COL21A1: variants seen among roughly 807,000 people sequenced by gnomAD.
COL21A1 encodes the protein collagen type XXI alpha 1 chain.
Under a neutral mutation model 137.9 loss-of-function variants are expected in COL21A1, and 149 were observed. The observed-to-expected ratio is 1.08, with a 90% confidence interval of 0.95 to 1.24. COL21A1 has a LOEUF of 1.24. Ranked by LOEUF, COL21A1 falls within the 50% of genes most tolerant of loss-of-function variation. The probability of loss-of-function intolerance (pLI) is 0.00; values close to 1 mark genes in which losing one functional copy is unlikely to be tolerated. For synonymous variants in COL21A1, 456 were observed against 391.5 expected, an observed-to-expected ratio of 1.16 and a Z score of -1.95; for missense variants, 1,167 against 1,158.4, an observed-to-expected ratio of 1.01 and a Z score of -0.11.
chr6:56,253,986 A>G (rs1357987296), intron 1 of COL21A1, among the ~76,000 whole-genome samples: 4 of 152,198 alleles, frequency 2.6e-5, no homozygotes, highest in Non-Finnish European at 4.4e-5. Context: ...AATCACAAAT[A>G]TACACTGAAG....
chr6:56,244,686 T>A (rs1320620093), intron 1 of COL21A1, among the ~76,000 whole-genome samples: 1 of 152,214 alleles, frequency 6.6e-6, no homozygotes, highest in African/African-American at 2.4e-5. Flanking sequence ...AAGTCATATA[T>A]GATTGGTAAT....
chr6:56,137,317 C>T (rs1774075298), intron 12 of COL21A1, among the ~76,000 whole-genome samples: 1 of 152,082 alleles, frequency 6.6e-6, no homozygotes, highest in Non-Finnish European at 1.5e-5. Context: ...AAAGGGTACA[C>T]ACCACAGTAA....
At chr6:56,346,503 T>C (rs1057257277) in intron 1 of COL21A1, among the ~76,000 whole-genome samples, 1 of 152,230 alleles carries the variant, frequency 6.6e-6, no homozygotes, top group African/African-American at 2.4e-5. Context: ...TATTTGGCTC[T>C]ACCTTGTCAA....
In COL21A1 at chr6:56,214,998, C is replaced by A. The variant is rs575668055; in HGVS notation, c.-38-32342G>T. 2.6e-5 allele frequency among the ~76,000 whole-genome samples: 4 copies of A among 152,176 alleles called. No individual in the cohort carries two copies. In the East Asian group the frequency reaches 7.7e-4, roughly 29 times the overall value. The stretch of plus-strand genomic sequence containing the variant: ...TCCAGTCACATAACCTTGGTCAGCT[C>A]TTCATCACATCCAGTAACTATCTCC... On this transcript the variant is annotated intron_variant, in intron 1 of 29. Coordinates refer to ENST00000244728, the MANE Select transcript of COL21A1 (RefSeq NM_030820.4).
chr6:56,080,141 T>A (rs909766198), intron 17 of COL21A1, among the ~76,000 whole-genome samples: 1 of 151,766 alleles, frequency 6.6e-6, no homozygotes, highest in African/African-American at 2.4e-5. Context: ...AAGTTAACAG[T>A]TTGTTGATCG....
intron 1 of COL21A1, among the ~76,000 whole-genome samples, chr6:56,229,315 T>C (rs1186742498): frequency 1.3e-5 from 2 of 151,808 alleles, no homozygotes; most frequent in African/African-American, 2.4e-5. Flanking sequence ...AGCCCAGGAG[T>C]TTGAATTGCA....
intron 1 of COL21A1, among the ~76,000 whole-genome samples, chr6:56,303,427 T>A (rs1764352687): frequency 6.6e-6 from 1 of 152,136 alleles, no homozygotes; most frequent in Non-Finnish European, 1.5e-5. Context: ...TTTGTAGTTC[T>A]CCTTGAAGAG....
intron 1 of COL21A1, among the ~76,000 whole-genome samples, chr6:56,281,653 T>C (rs1763788643): frequency 6.6e-6 from 1 of 152,222 alleles, no homozygotes; most frequent in South Asian, 2.1e-4. Context: ...TTTATCCCCA[T>C]TAGCTTTGTG....
At position 56,088,043 on chromosome 6, in the gene COL21A1, G is replaced by A. The variant is rs80042420; in HGVS notation, c.1813-10470C>T. On this transcript the variant is annotated intron_variant, in intron 17 of 29. Transcript: ENST00000244728. ...GAGAATTGATAAATTCTTCATCTTT[G>A]TTTTGCTTTAATTTATCATATAATA... Among the ~76,000 whole-genome samples the A allele has an allele frequency of 2.7e-3, 417 of 152,110 alleles. 4 individuals carry two copies. Among genetic ancestry groups the A allele is most frequent in the Middle Eastern group, 0.014 (4 of 294 alleles).
intron 9 of COL21A1, among the ~76,000 whole-genome samples, chr6:56,160,061 G>C (rs1371463963): frequency 6.6e-6 from 1 of 152,076 alleles, no homozygotes; most frequent in Non-Finnish European, 1.5e-5. Flanking sequence ...AGATTTTACT[G>C]GTTATTTTGA....
At chr6:56,176,053 G>A (rs1419581987) in intron 3 of COL21A1, among the ~76,000 whole-genome samples, 2 of 152,098 alleles carry the variant, frequency 1.3e-5, no homozygotes, top group East Asian at 3.8e-4. Context: ...AATCAATAGT[G>A]CTGGGAAAAC....
At chr6:56,213,643 T>C (rs1332615479) in intron 1 of COL21A1, among the ~76,000 whole-genome samples, 3 of 152,038 alleles carry the variant, frequency 2.0e-5, no homozygotes, top group African/African-American at 7.3e-5. Flanking sequence ...CATTTCATTA[T>C]TTTCCCTCCG....
At chr6:56,342,709 G>C (rs949641801) in intron 1 of COL21A1, among the ~76,000 whole-genome samples, 2 of 152,136 alleles carry the variant, frequency 1.3e-5, no homozygotes, top group Non-Finnish European at 2.9e-5. Context: ...AATTAATCTT[G>C]TTATCTCCTT....
intron 1 of COL21A1, among the ~76,000 whole-genome samples, chr6:56,337,775 T>C (rs1765362864): frequency 6.6e-6 from 1 of 152,204 alleles, no homozygotes; most frequent in Non-Finnish European, 1.5e-5. Context: ...AACTTTTCTT[T>C]TACCGTATTT....
At chr6:56,110,811 T>C (rs1400854024) in intron 16 of COL21A1, among the ~76,000 whole-genome samples, 5 of 151,962 alleles carry the variant, frequency 3.3e-5, no homozygotes, top group Non-Finnish European at 7.4e-5. Context: ...TTTGCTGAGA[T>C]AAAATAAAGA....
At position 56,176,664 on chromosome 6, in the gene COL21A1, G is replaced by A. The variant is rs79114119; in HGVS notation, c.640+2914C>T. ...GGGAAGGAGGAAGAAAGGAAGGAAG[G>A]AAGAGAAGGAGGGAGGGAAGGAAGG... On this transcript the variant is annotated intron_variant, in intron 3 of 29. Coordinates refer to ENST00000244728, the MANE Select transcript of COL21A1 (RefSeq NM_030820.4). 7.6e-4 allele frequency among the ~76,000 whole-genome samples: 114 copies of A among 150,216 alleles called. 1 individual carries two copies. The highest frequency in any genetic ancestry group is 2.7e-3 in the African/African-American group (111 of 40,980).
At position 56,243,997 on chromosome 6, in the gene COL21A1, C is replaced by A. The variant is rs534492629; in HGVS notation, c.-39+3390G>T. Among the ~76,000 whole-genome samples the A allele has an allele frequency of 7.9e-5, 12 of 152,152 alleles. No homozygotes were observed. The Middle Eastern group carries it at 0.01, about 129-fold the overall frequency. On this transcript the variant is annotated intron_variant, in intron 1 of 29. Transcript: ENST00000244728. ...AAATATAATCCAAAGATAATAAATACAAAATAAAAACACGTATCCATTTCC... is the reference window on the plus strand; with the variant it reads ...AAATATAATCCAAAGATAATAAATAAAAAATAAAAACACGTATCCATTTCC...
chr6:56,201,793 C>A (rs935851349), intron 1 of COL21A1, among the ~76,000 whole-genome samples: 5 of 152,006 alleles, frequency 3.3e-5, no homozygotes, highest in Admixed American at 2.0e-4. Context: ...AAATACATTT[C>A]AATTTTTAAA....
intron 17 of COL21A1, among the ~76,000 whole-genome samples, chr6:56,095,023 A>G (rs1333906379): frequency 1.3e-5 from 2 of 152,144 alleles, no homozygotes; most frequent in Non-Finnish European, 2.9e-5. Flanking sequence ...TCTGAGGGGG[A>G]GGCATTTTTT....
Sources: gnomAD v4.1 joint callset for allele counts (sites outside exome capture counted in the v4.1 genomes callset) on GRCh38, gnomAD v4.1.1 for gene constraint, MANE v1.5 for transcripts, NCBI Gene and HGNC (gene_info 2026-07-23, HGNC 2026-07-21) for gene names.